Variants in ADCY9 observed in about 807,000 individuals in gnomAD.
ADCY9 encodes adenylate cyclase type 9.
A neutral mutation model predicts 101.5 loss-of-function variants in ADCY9; 50 were observed. The observed-to-expected ratio is 0.49, with a 90% CI of 0.39 to 0.62. The LOEUF (loss-of-function observed/expected upper bound fraction) is 0.62, where lower values mean the gene tolerates loss of function less well. ADCY9 is among the 20% of genes least tolerant of loss of function. The probability of loss-of-function intolerance (pLI) is 0.00; values close to 1 mark genes in which losing one functional copy is unlikely to be tolerated. For synonymous variants in ADCY9, 905 were observed against 769.3 expected (o/e 1.18, Z -2.92); for missense variants, 1,662 against 1,800.4 (o/e 0.92, Z 1.39).
Position 3,992,593 on chromosome 16 carries a change from TG to T in ADCY9, c.1990-231del, listed in dbSNP as rs1177074182. Among the ~76,000 whole-genome samples, 3 of 152,010 alleles carry T rather than the reference TG, an allele frequency of 2.0e-5. No homozygotes were observed. The highest frequency in any genetic ancestry group is 7.2e-5 in the African/African-American group (3 of 41,386). The stretch of plus-strand genomic sequence containing the variant: ...ACCCAACAGTGCCCAGTGGTAACGC[TG>T]GGTGTTCAGGCTGCCAGGACATTGA... On this transcript the variant is annotated intron_variant, in intron 4 of 10. Transcript: ENST00000294016. This position sits in a 1 kb window ranked among gnomAD's most constrained non-coding sequence, Gnocchi z 4.2.
intron 2 of ADCY9, among the ~76,000 whole-genome samples, chr16:4,091,227 T>C (rs946418135): frequency 2.0e-5 from 3 of 152,060 alleles, no homozygotes; most frequent in Admixed American, 6.5e-5. Flanking sequence ...GCACGCGCCA[T>C]GATGCGCAGC....
downstream of ADCY9, among the ~76,000 whole-genome samples, chr16:3,958,488 C>T (rs1176581505): frequency 1.4e-5 from 2 of 140,736 alleles, no homozygotes; most frequent in African/African-American, 5.3e-5. Flanking sequence ...TGCAGTGAGC[C>T]GAGATCGCGC....
intron 10 of ADCY9, among the ~76,000 whole-genome samples, chr16:3,969,606 A>G (rs1424492147): frequency 9.7e-4 from 66 of 67,822 alleles, no homozygotes; most frequent in Middle Eastern, 6.1e-3. Context: ...ATATATATAT[A>G]TATGTATTTT....
intron 2 of ADCY9, among the ~76,000 whole-genome samples, chr16:4,054,627 G>C (rs1192540819): frequency 6.6e-6 from 1 of 151,532 alleles, no homozygotes; most frequent in African/African-American, 2.4e-5. Context: ...CTGGAGTGCA[G>C]TGGCACAATC....
chr16:3,995,399 G>C (rs1010771817), intron 3 of ADCY9, among the ~76,000 whole-genome samples: 2 of 152,094 alleles, frequency 1.3e-5, no homozygotes, highest in Non-Finnish European at 2.9e-5. Flanking sequence ...CTGCACTCCA[G>C]CCTGGGGCAA....
chr16:4,025,375 C>A (rs1171975479), intron 2 of ADCY9, among the ~76,000 whole-genome samples: 577 of 130,182 alleles, frequency 4.4e-3, no homozygotes, highest in South Asian at 4.8e-3. Context: ...ACTCTGTCTC[C>A]AAAAAAAAAA....
chr16:3,994,219 G>A lies in ADCY9; in HGVS notation c.1885-709C>T, dbSNP rs141634241. Reference sequence around the variant, plus strand: ...CGCCCTGGGAGAAGGCACCATCTGTGAAGCAGGAACGGGTCCTCACTGGAC... The same window carrying A: ...CGCCCTGGGAGAAGGCACCATCTGTAAAGCAGGAACGGGTCCTCACTGGAC... On this transcript the variant is annotated intron_variant, in intron 3 of 10. Transcript: ENST00000294016. 5.9e-3 allele frequency among the ~76,000 whole-genome samples: 896 copies of A among 152,276 alleles called. 9 individuals carry two copies. The highest frequency in any genetic ancestry group is 0.02 in the African/African-American group (841 of 41,552).
rs558389405 is a variant in ADCY9, at chr16:4,033,675, A to G, written c.1694-26117T>C. 3.3e-5 allele frequency among the ~76,000 whole-genome samples: 5 copies of G among 152,258 alleles called. No individual in the cohort carries two copies. The East Asian group carries it at 9.7e-4, about 29-fold the overall frequency. ...TGTGATCCACCCGCCTCGGCCTCCC[A>G]AAGTGCTGGGATTACAGGCATGAGC... On this transcript the variant is annotated intron_variant, in intron 2 of 10. Transcript: ENST00000294016.
intron 5 of ADCY9, among the ~76,000 whole-genome samples, chr16:3,989,885 GGTT>G (rs1403431497): frequency 3.9e-5 from 6 of 152,184 alleles, no homozygotes; most frequent in African/African-American, 7.2e-5. Context: ...AAAGCTAACA[GGTT>G]GTTATCACAA....
intron 7 of ADCY9, among the ~76,000 whole-genome samples, chr16:3,981,038 A>C (rs960560524): frequency 6.6e-6 from 1 of 152,202 alleles, no homozygotes; most frequent in Non-Finnish European, 1.5e-5. Flanking sequence ...CCCACAGCGC[A>C]GGTTCCCGTC....
chr16:3,996,200 A>G (rs1425671800), intron 3 of ADCY9, among the ~76,000 whole-genome samples: 1 of 152,126 alleles, frequency 6.6e-6, no homozygotes, highest in Non-Finnish European at 1.5e-5. Flanking sequence ...GTCTCTACTA[A>G]AAATAAAACC....
chr16:4,085,620 A>G (rs1319983511), intron 2 of ADCY9, among the ~76,000 whole-genome samples: 1 of 152,110 alleles, frequency 6.6e-6, no homozygotes, highest in African/African-American at 2.4e-5. Context: ...GACTGGTTAC[A>G]TGGAAGTGAA....
chr16:3,979,412 G>T (rs999972895), intron 7 of ADCY9, 137 bp from the exon 8 acceptor site: 3 of 1,020,440 alleles, frequency 2.9e-6, no homozygotes, highest in African/African-American at 1.6e-5. Context: ...GAGAGCAGGC[G>T]TGGGGTGGGA....
intron 2 of ADCY9, among the ~76,000 whole-genome samples, chr16:4,064,318 T>C (rs534028176): frequency 3.3e-5 from 5 of 152,300 alleles, no homozygotes; most frequent in African/African-American, 1.2e-4. Context: ...TCTTCCCAAA[T>C]TGATCAACAG....
chr16:4,054,895 T>C lies in ADCY9; in HGVS notation c.1694-47337A>G, dbSNP rs77110161. On this transcript the variant is annotated intron_variant, in intron 2 of 10. Coordinates refer to ENST00000294016, the MANE Select transcript of ADCY9 (RefSeq NM_001116.4). The stretch of plus-strand genomic sequence containing the variant: ...ATGGATATTTTGAAAATCATCAAGT[T>C]ATACAAAAGAATCCCACATGCTGTA... Among the ~76,000 whole-genome samples the C allele has an allele frequency of 4.7e-3, 709 of 152,262 alleles. 4 individuals are homozygous for C. The highest frequency in any genetic ancestry group is 8.1e-3 in the South Asian group (39 of 4,818).
chr16:3,953,407 TA>T (rs1322940056), exon 6 of ADCY9: 7 of 152,168 alleles, frequency 4.6e-5, no homozygotes, highest in African/African-American at 1.7e-4. Flanking sequence ...TGACAGAGCA[TA>T]AGCAGTTTTT....
intron 2 of ADCY9, among the ~76,000 whole-genome samples, chr16:4,009,383 G>A (rs1003879041): frequency 6.6e-6 from 1 of 152,126 alleles, no homozygotes; most frequent in African/African-American, 2.4e-5. Flanking sequence ...AGCCTCCTGA[G>A]TAGCTGGGAC....
intron 2 of ADCY9, among the ~76,000 whole-genome samples, chr16:4,109,257 T>C (rs2057098740): frequency 6.6e-6 from 1 of 152,028 alleles, no homozygotes; most frequent in South Asian, 2.1e-4. Flanking sequence ...AGAGACAGGG[T>C]CTCACTCTGT....
At position 3,979,174 on chromosome 16, in the gene ADCY9, G is replaced by T; in HGVS notation, c.2621C>A (p.Ser874Ter). The T allele has an allele frequency of 1.2e-6, 2 of 1,614,166 alleles. No homozygotes were observed. Among genetic ancestry groups the T allele is most frequent in the Non-Finnish European group, 8.5e-7 (1 of 1,180,038 alleles). The change falls in exon 8 of 11, where the codon TCG becomes TAG. Residue 874 changes from serine to a stop codon, truncating the protein, a stop_gained. Coordinates refer to ENST00000294016, the MANE Select transcript of ADCY9 (RefSeq NM_001116.4). LOFTEE classifies it high-confidence loss of function. ...GGAGTAGACGGCCAGTGCGGGAAGC[G>T]ACACCAGGATGGCCCCGATGCAGTG... ...PRHCIGAILV[S>*]LPALAVYSHV...
Sources: gnomAD v4.1 joint callset for allele counts (sites outside exome capture counted in the v4.1 genomes callset) on GRCh38, gnomAD v4.1.1 for gene constraint, Gnocchi (gnomAD v3.1) non-coding constraint, MANE v1.5 for transcripts, NCBI Gene and HGNC (gene_info 2026-07-23, HGNC 2026-07-21) for gene names.